The following ANKRD30BL variants were observed in gnomAD, a reference collection of about 807,000 sequenced individuals.
The protein encoded by ANKRD30BL is ankyrin repeat domain 30B like.
ANKRD30BL carries 20 observed loss-of-function variants against 18.4 expected under a neutral mutation model. The ratio of observed to expected loss-of-function variants is 1.09; its 90% CI spans 0.77 to 1.58. The LOEUF is 1.58. ANKRD30BL is among the 40% of genes most tolerant of loss of function. ANKRD30BL has a pLI of 0.00. For missense variants in ANKRD30BL, 224 were observed against 268.6 expected (o/e 0.83, Z 1.16); for synonymous variants, 72 against 100.9 (o/e 0.71, Z 1.72).
chr2:132,218,868 A>G (rs1227254964), intron 1 of ANKRD30BL, among the ~76,000 whole-genome samples: 1 of 152,186 alleles, frequency 6.6e-6, no homozygotes, highest in Non-Finnish European at 1.5e-5. Flanking sequence ...CAACTAACAG[A>G]GTTAAACCTT....
intron 1 of ANKRD30BL, among the ~76,000 whole-genome samples, chr2:132,220,038 T>C (rs1238010804): frequency 1.4e-4 from 22 of 152,240 alleles, no homozygotes; most frequent in Non-Finnish European, 2.9e-4. Flanking sequence ...GAAACTTCTT[T>C]GTGATGTTTG....
At chr2:132,234,486 A>G (rs2104786868) in intron 1 of ANKRD30BL, among the ~76,000 whole-genome samples, 1 of 152,240 alleles carries the variant, frequency 6.6e-6, no homozygotes, top group South Asian at 2.1e-4. Context: ...TAGACACAAT[A>G]AAAAATGATA....
chr2:132,189,940 TA>T (rs1678811887), intron 1 of ANKRD30BL, among the ~76,000 whole-genome samples: 1 of 152,094 alleles, frequency 6.6e-6, no homozygotes, highest in Non-Finnish European at 1.5e-5. Flanking sequence ...AATTCTTTTC[TA>T]AATTGGTGGG....
intron 1 of ANKRD30BL, among the ~76,000 whole-genome samples, chr2:132,236,952 A>G (rs1381888515): frequency 6.6e-6 from 1 of 151,868 alleles, no homozygotes; most frequent in African/African-American, 2.4e-5. Flanking sequence ...GCCATAAAAA[A>G]TGATGAGTTC....
upstream of ANKRD30BL, among the ~76,000 whole-genome samples, chr2:132,163,823 C>A (rs144878427): frequency 0.011 from 1,659 of 152,252 alleles, 26 homozygotes; most frequent in African/African-American, 0.037. Flanking sequence ...GAACAAAAAC[C>A]CAAGAATTGA....
chr2:132,223,883 C>A (rs895876534), intron 1 of ANKRD30BL, among the ~76,000 whole-genome samples: 7 of 151,718 alleles, frequency 4.6e-5, no homozygotes, highest in Non-Finnish European at 7.4e-5. Flanking sequence ...TATCATAGAG[C>A]AGTTTTGAAA....
chr2:132,169,849 C>T (rs1688249148), intron 1 of ANKRD30BL, among the ~76,000 whole-genome samples: 1 of 152,012 alleles, frequency 6.6e-6, no homozygotes, highest in Non-Finnish European at 1.5e-5. Flanking sequence ...ATAAATTAAA[C>T]AGCCATTTAG....
At position 132,226,634 on chromosome 2, in the gene ANKRD30BL, G is replaced by T. The variant is rs577581630; in HGVS notation, n.441+30895C>A. 5.3e-5 allele frequency among the ~76,000 whole-genome samples: 8 copies of T among 151,924 alleles called. No homozygotes were observed. The South Asian group carries it at 8.3e-4, about 16-fold the overall frequency. The stretch of plus-strand genomic sequence containing the variant: ...TGAGCAGTTTTGAACCTCTTTTTTT[G>T]TAGAATCTGCAAGTGGACATTTGGT... On this transcript the variant is annotated intron_variant and non_coding_transcript_variant, in intron 1 of 4. Transcript: ENST00000470729.
chr2:132,187,707 G>GA (rs1347785554), intron 1 of ANKRD30BL, among the ~76,000 whole-genome samples: 4 of 151,322 alleles, frequency 2.6e-5, no homozygotes, highest in East Asian at 3.9e-4. Context: ...GAGATTATAG[G>GA]AAAAAATTAA....
chr2:132,240,729 G>C (rs1680293026), intron 1 of ANKRD30BL, among the ~76,000 whole-genome samples: 1 of 151,640 alleles, frequency 6.6e-6, no homozygotes, highest in African/African-American at 2.4e-5. Flanking sequence ...ATCTCACAGA[G>C]TTGAACATTA....
At chr2:132,191,136 AC>A (rs1299015224) in intron 1 of ANKRD30BL, among the ~76,000 whole-genome samples, 2 of 152,238 alleles carry the variant, frequency 1.3e-5, no homozygotes, top group Middle Eastern at 3.2e-3. Flanking sequence ...TTGATCTGCA[AC>A]CTACCACTAT....
At chr2:132,213,494 G>C (rs542817835) in intron 1 of ANKRD30BL, among the ~76,000 whole-genome samples, 1 of 151,882 alleles carries the variant, frequency 6.6e-6, no homozygotes, top group African/African-American at 2.4e-5. Flanking sequence ...ACAACTAGGC[G>C]GAAGCATTCT....
intron 1 of ANKRD30BL, among the ~76,000 whole-genome samples, chr2:132,241,543 C>T (rs1182934590): frequency 6.6e-6 from 1 of 151,792 alleles, no homozygotes; most frequent in African/African-American, 2.4e-5. Context: ...GAAGCATTCT[C>T]AGAAACACCT....
chr2:132,206,031 G>A lies in ANKRD30BL; in HGVS notation n.442-48885C>T, dbSNP rs144986381. Reference sequence around the variant, plus strand: ...AAATTAAACGGGCATGGTGTTGGGCGCCTGTAATCCTAGCTACTTGGGAGG... The same window carrying A: ...AAATTAAACGGGCATGGTGTTGGGCACCTGTAATCCTAGCTACTTGGGAGG... On this transcript the variant is annotated intron_variant and non_coding_transcript_variant, in intron 1 of 4. Coordinates refer to the ANKRD30BL transcript ENST00000470729. 3.0e-3 allele frequency among the ~76,000 whole-genome samples: 451 copies of A among 152,086 alleles called. 5 individuals are homozygous for A. Among genetic ancestry groups the A allele is most frequent in the African/African-American group, 0.01 (422 of 41,496 alleles).
intron 1 of ANKRD30BL, among the ~76,000 whole-genome samples, chr2:132,199,683 T>C (rs577535773): frequency 6.6e-6 from 1 of 152,180 alleles, no homozygotes; most frequent in East Asian, 1.9e-4. Flanking sequence ...ATTTTTTCTT[T>C]ATATACTTTT....
intron 1 of ANKRD30BL, among the ~76,000 whole-genome samples, chr2:132,229,814 G>T (rs1361299951): frequency 6.6e-6 from 1 of 152,120 alleles, no homozygotes; most frequent in Non-Finnish European, 1.5e-5. Context: ...CTAGACAGAA[G>T]CATTCTCAGA....
chr2:132,232,371 A>G (rs1176732981), intron 1 of ANKRD30BL, among the ~76,000 whole-genome samples: 2 of 152,350 alleles, frequency 1.3e-5, no homozygotes, highest in South Asian at 2.1e-4. Flanking sequence ...AAGGCTTCAG[A>G]CGATCAAATT....
intron 1 of ANKRD30BL, among the ~76,000 whole-genome samples, chr2:132,158,342 A>C (rs1687967340): frequency 6.6e-6 from 1 of 152,140 alleles, no homozygotes; most frequent in Non-Finnish European, 1.5e-5. Context: ...GAATGTATGT[A>C]AATTCATATT....
At chr2:132,226,844 T>C (rs1262989260) in intron 1 of ANKRD30BL, among the ~76,000 whole-genome samples, 1 of 152,062 alleles carries the variant, frequency 6.6e-6, no homozygotes, top group African/African-American at 2.4e-5. Context: ...CTTTGCAGCC[T>C]AAGTTAGAAA....
Sources: gnomAD v4.1 joint callset for allele counts (sites outside exome capture counted in the v4.1 genomes callset) on GRCh38, gnomAD v4.1.1 for gene constraint, MANE v1.5 for transcripts, NCBI Gene and HGNC (gene_info 2026-07-23, HGNC 2026-07-21) for gene names.